Variants in ZFP1 observed in about 807,000 individuals in gnomAD.
ZFP1 encodes the protein zinc finger protein 1 homolog.
Under a neutral mutation model 38.5 loss-of-function variants are expected in ZFP1, and 32 were observed. The ratio of observed to expected loss-of-function variants is 0.83; its 90% CI spans 0.63 to 1.12. The LOEUF is 1.12. Ranked by LOEUF, ZFP1 falls within the 50% of genes most tolerant of loss-of-function variation. The probability of loss-of-function intolerance (pLI) is 0.00; values close to 1 mark genes in which losing one functional copy is unlikely to be tolerated. For missense variants in ZFP1, 616 were observed against 480.8 expected (o/e 1.28, Z -2.63); for synonymous variants, 245 against 168.8 (o/e 1.45, Z -3.50).
intron 2 of ZFP1, among the ~76,000 whole-genome samples, chr16:75,161,482 G>A (rs2037773794): frequency 6.6e-6 from 1 of 151,416 alleles, no homozygotes. Context: ...TACAGTGATT[G>A]CTCTCCTGTG....
intron 1 of ZFP1, among the ~76,000 whole-genome samples, chr16:75,151,896 TTTG>T (rs1156542558): frequency 6.6e-6 from 1 of 152,270 alleles, no homozygotes; most frequent in African/African-American, 2.4e-5. Flanking sequence ...TCGCTATGTT[TTTG>T]TTGTTTGAAA....
At chr16:75,127,433 A>C in the ZFP1 span, among the ~76,000 whole-genome samples, 1 of 152,080 alleles carries the variant, frequency 6.6e-6, no homozygotes. Flanking sequence ...AAGCATGAGG[A>C]GATCAGTCTC....
chr16:75,159,697 T>C (rs562607161), intron 2 of ZFP1, among the ~76,000 whole-genome samples: 5 of 152,252 alleles, frequency 3.3e-5, no homozygotes, highest in Admixed American at 3.3e-4. Flanking sequence ...TGAGCCACTA[T>C]ACCTGGCCCT....
intron 2 of ZFP1, among the ~76,000 whole-genome samples, chr16:75,160,863 C>G (rs980041799): frequency 6.6e-6 from 1 of 151,926 alleles, no homozygotes; most frequent in Non-Finnish European, 1.5e-5. Context: ...CATCAAGCCC[C>G]GTTAGAAGGG....
At chr16:75,128,600 T>G in the ZFP1 span, among the ~76,000 whole-genome samples, 1 of 152,250 alleles carries the variant, frequency 6.6e-6, no homozygotes, top group Non-Finnish European at 1.5e-5. Flanking sequence ...TAATTTTTCT[T>G]GGCAACGTGT....
At chr16:75,137,108 A>G in the ZFP1 span, among the ~76,000 whole-genome samples, 1 of 152,112 alleles carries the variant, frequency 6.6e-6, no homozygotes, top group Non-Finnish European at 1.5e-5. Flanking sequence ...AGGGGAAGGA[A>G]ATATATGAGA....
intron 2 of ZFP1, among the ~76,000 whole-genome samples, chr16:75,165,943 C>A (rs1217835236): frequency 6.6e-6 from 1 of 152,120 alleles, no homozygotes; most frequent in East Asian, 1.9e-4. Flanking sequence ...TATTTACTGA[C>A]ATTTTTTGAC....
intron 2 of ZFP1, among the ~76,000 whole-genome samples, chr16:75,161,570 TAGTC>T (rs2037777954): frequency 6.6e-6 from 1 of 151,076 alleles, no homozygotes; most frequent in Admixed American, 6.7e-5. Flanking sequence ...CTTTCTGGTG[TAGTC>T]AAGAGGTCTG....
rs546862329 is a variant in ZFP1, at chr16:75,168,943, A to C, written c.143-310A>C. On this transcript the variant is annotated intron_variant, in intron 3 of 3. Transcript: ENST00000570010. Reference sequence around the variant, plus strand: ...GTGAATCTCCCTCCCTGGCATTGCCAGCCTTCTCATATTGTGTTCTGTTTT... The same window carrying C: ...GTGAATCTCCCTCCCTGGCATTGCCCGCCTTCTCATATTGTGTTCTGTTTT... 5.8e-4 allele frequency among the ~76,000 whole-genome samples: 89 copies of C among 152,276 alleles called. 1 individual carries two copies. The South Asian group carries it at 0.018, about 31-fold the overall frequency.
chr16:75,154,945 G>A (rs899569770), intron 2 of ZFP1, among the ~76,000 whole-genome samples: 4 of 151,786 alleles, frequency 2.6e-5, no homozygotes, highest in African/African-American at 4.8e-5. Flanking sequence ...TTACAGGTGC[G>A]CACCACCATA....
At chr16:75,152,577 C>T (rs2037261396) in intron 1 of ZFP1, among the ~76,000 whole-genome samples, 2 of 152,154 alleles carry the variant, frequency 1.3e-5, no homozygotes, top group African/African-American at 4.8e-5. Context: ...TTCATGTTGT[C>T]CACCTTTTCT....
chr16:75,142,626 A>T, the ZFP1 span, among the ~76,000 whole-genome samples: 1 of 152,206 alleles, frequency 6.6e-6, no homozygotes, highest in Admixed American at 6.5e-5. Context: ...AATTCTTCTG[A>T]CATACTGAAG....
At chr16:75,136,393 C>G in the ZFP1 span, among the ~76,000 whole-genome samples, 2 of 152,138 alleles carry the variant, frequency 1.3e-5, no homozygotes, top group Admixed American at 6.6e-5. Context: ...TACATGTATA[C>G]TGGAACAATA....
At chr16:75,146,873 G>A (rs751153106), upstream of ZFP1, among the ~76,000 whole-genome samples, 8 of 150,520 alleles carry the variant, frequency 5.3e-5, no homozygotes, top group African/African-American at 2.0e-4. Flanking sequence ...CCAGGAAGTG[G>A]AGGCTGCAGT....
the ZFP1 span, among the ~76,000 whole-genome samples, chr16:75,119,857 A>G: frequency 6.6e-6 from 1 of 152,294 alleles, no homozygotes; most frequent in African/African-American, 2.4e-5. Flanking sequence ...ACACACACAC[A>G]CATACACAAA....
chr16:75,148,909 C>T (rs1386422719), intron 1 of ZFP1: 1 of 152,066 alleles, frequency 6.6e-6, no homozygotes, highest in African/African-American at 2.4e-5. Flanking sequence ...AGGAGATGCG[C>T]CTCAGACGGG....
At chr16:75,139,641 G>A in the ZFP1 span, among the ~76,000 whole-genome samples, 1 of 152,104 alleles carries the variant, frequency 6.6e-6, no homozygotes. Flanking sequence ...GGGATTACAG[G>A]CATGAGCTAC....
At chr16:75,137,205 C>T in the ZFP1 span, among the ~76,000 whole-genome samples, 6 of 152,246 alleles carry the variant, frequency 3.9e-5, no homozygotes, top group African/African-American at 1.2e-4. Context: ...CCAGGAGTCA[C>T]CTGAGAGAAC....
chr16:75,165,966 C>T (rs55881293), intron 2 of ZFP1, among the ~76,000 whole-genome samples: 2,395 of 152,254 alleles, frequency 0.016, 31 homozygotes, highest in Non-Finnish European at 0.025. Flanking sequence ...ATCATTTCTT[C>T]AGCCATTCTG....
Sources: gnomAD v4.1 joint callset for allele counts (sites outside exome capture counted in the v4.1 genomes callset) on GRCh38, gnomAD v4.1.1 for gene constraint, MANE v1.5 for transcripts, NCBI Gene and HGNC (gene_info 2026-07-23, HGNC 2026-07-21) for gene names.